PLXNA2: variants seen among roughly 807,000 people sequenced by gnomAD.
PLXNA2 encodes the protein plexin-A2.
A neutral mutation model predicts 193.5 loss-of-function variants in PLXNA2; 91 were observed. That is an observed-to-expected ratio of 0.47 (90% CI 0.40 to 0.56). PLXNA2 has a LOEUF of 0.56. Among genes scored for constraint, PLXNA2 ranks in the 20% least tolerant of loss-of-function variants. The pLI is 0.00. For synonymous variants in PLXNA2, 997 were observed against 1,027.3 expected (o/e 0.97, Z 0.56); for missense variants, 1,995 against 2,503.2 (o/e 0.80, Z 4.33).
intron 3 of PLXNA2, among the ~76,000 whole-genome samples, chr1:208,173,597 G>A (rs1464710041): frequency 6.6e-6 from 1 of 152,184 alleles, no homozygotes; most frequent in Non-Finnish European, 1.5e-5. Flanking sequence ...CCAGCAAGGG[G>A]ACAAAGGATC....
Position 208,045,918 on chromosome 1 carries a change from C to T in PLXNA2, c.3455G>A (p.Gly1152Glu). 1 of 1,614,256 alleles carries T rather than the reference C, an allele frequency of 6.2e-7. No individual in the cohort carries two copies. The highest frequency in any genetic ancestry group is 8.5e-7 in the Non-Finnish European group (1 of 1,180,040). The change falls in exon 18 of 32, where the codon GGA becomes GAA. Residue 1152 changes from glycine (G) to glutamate (E), a missense_variant. Coordinates refer to ENST00000367033, the MANE Select transcript of PLXNA2 (RefSeq NM_025179.4). ...CGATCCTGGCTTTTGATCCAAGACT[C>T]CAGTAGGGCTAAGCAGTTCAAAGGT... The part of the protein sequence containing the change: ...NPTFELLSPT[G>E]VLDQKPGSPI...
At chr1:208,070,916 A>G (rs1289732476) in intron 12 of PLXNA2, among the ~76,000 whole-genome samples, 1 of 152,182 alleles carries the variant, frequency 6.6e-6, no homozygotes, top group Non-Finnish European at 1.5e-5. Flanking sequence ...GCTGAGGTCC[A>G]AAGGAAAAGT....
chr1:208,093,863 C>T (rs555871660), intron 8 of PLXNA2, among the ~76,000 whole-genome samples: 2 of 152,294 alleles, frequency 1.3e-5, no homozygotes, highest in South Asian at 4.1e-4. Context: ...AGTCTTGCTC[C>T]TCCTCGCAGC....
At position 208,065,652 on chromosome 1, in the gene PLXNA2, G is replaced by A. The variant is rs113891637; in HGVS notation, c.2587-4815C>T. Among the ~76,000 whole-genome samples the A allele has an allele frequency of 2.4e-3, 365 of 152,270 alleles. 1 individual carries two copies. The highest frequency in any genetic ancestry group is 7.8e-3 in the African/African-American group (325 of 41,558). The stretch of plus-strand genomic sequence containing the variant: ...AAGGGCAGCACATGGATGAGGGAGC[G>A]CATCACAGACACTGGGGTGACCCGG... On this transcript the variant is annotated intron_variant, in intron 12 of 31. Coordinates refer to ENST00000367033, the MANE Select transcript of PLXNA2 (RefSeq NM_025179.4).
intron 1 of PLXNA2, among the ~76,000 whole-genome samples, chr1:208,233,350 G>A (rs964723754): frequency 3.3e-5 from 5 of 152,116 alleles, no homozygotes; most frequent in African/African-American, 9.7e-5. Flanking sequence ...CTTCTCCCAG[G>A]TGAAGCTTTC....
chr1:208,038,354 A>AAGACACCCC lies in PLXNA2; in HGVS notation c.4764+8_4764+16dup, dbSNP rs768803807. 7.2e-6 allele frequency: 11 copies of AAGACACCCC among 1,537,844 alleles called. No homozygotes were observed. Among genetic ancestry groups the AAGACACCCC allele is most frequent in the Non-Finnish European group, 9.9e-6 (11 of 1,110,498 alleles). Reference sequence around the variant, plus strand: ...CATTCTGGGAAGCTGAAGAGGGGAAAAGACACCCCCTCTCACCTGATAATG... The same window carrying AAGACACCCC: ...CATTCTGGGAAGCTGAAGAGGGGAAAAGACACCCCAGACACCCCCTCTCACCTGATAATG... On this transcript the variant is annotated intron_variant, in intron 26 of 31. Coordinates refer to ENST00000367033, the MANE Select transcript of PLXNA2 (RefSeq NM_025179.4). This position sits in a 1 kb window ranked among gnomAD's most constrained non-coding sequence, Gnocchi z 4.1.
In PLXNA2 at chr1:208,034,426, G is replaced by A. The variant is rs541067986; in HGVS notation, c.4864+67C>T. ...GCTGCCTGCTGTTAGAAGGGGTAGC[G>A]AGTGGGCCCTGCTAGGTCTCAGAAG... On this transcript the variant is annotated intron_variant, in intron 27 of 31. Coordinates refer to ENST00000367033, the MANE Select transcript of PLXNA2 (RefSeq NM_025179.4). 1.1e-4 allele frequency: 106 copies of A among 982,796 alleles called. No homozygotes were observed. The Admixed American group carries it at 1.7e-3, about 16-fold the overall frequency. 60.9% of individuals were successfully genotyped at this position (982,796 alleles called of 1,614,324 possible).
chr1:208,148,816 A>C (rs1229977925), intron 3 of PLXNA2, among the ~76,000 whole-genome samples: 1 of 152,172 alleles, frequency 6.6e-6, no homozygotes, highest in Admixed American at 6.5e-5. Context: ...GGAGGCCCTG[A>C]GGGGGTACTT....
chr1:208,216,601 G>T, intron 2 of PLXNA2, 134 bp downstream of exon 2: 1 of 1,007,100 alleles, frequency 9.9e-7, no homozygotes, highest in Non-Finnish European at 1.4e-6. Context: ...GTTACCACCT[G>T]ATAACCTGAG....
At chr1:208,106,020 T>C (rs533105034) in intron 4 of PLXNA2, among the ~76,000 whole-genome samples, 128 of 150,914 alleles carry the variant, frequency 8.5e-4, no homozygotes, top group Non-Finnish European at 1.2e-3. Flanking sequence ...TCTCCAAACA[T>C]GAAACCAATA....
At chr1:208,069,655 C>A (rs1665918257) in intron 12 of PLXNA2, among the ~76,000 whole-genome samples, 1 of 152,106 alleles carries the variant, frequency 6.6e-6, no homozygotes. Flanking sequence ...CTTGTCAGGG[C>A]AGGGTTGGGG....
At chr1:208,184,952 T>C (rs929832181) in intron 3 of PLXNA2, among the ~76,000 whole-genome samples, 3 of 152,200 alleles carry the variant, frequency 2.0e-5, no homozygotes, top group African/African-American at 7.2e-5. Flanking sequence ...TTAAGCTTTT[T>C]GCCCACAGGT....
chr1:208,208,182 A>G (rs1447957540), intron 3 of PLXNA2, among the ~76,000 whole-genome samples: 2 of 152,204 alleles, frequency 1.3e-5, no homozygotes, highest in Non-Finnish European at 2.9e-5. Context: ...TCATCCATCC[A>G]TCCATTCAGC....
chr1:208,158,190 G>A (rs1668995827), intron 3 of PLXNA2, among the ~76,000 whole-genome samples: 1 of 152,174 alleles, frequency 6.6e-6, no homozygotes, highest in Admixed American at 6.5e-5. Context: ...TGAGTGTGGG[G>A]AGAGAAATGG....
chr1:208,233,492 C>A (rs1671755371), intron 1 of PLXNA2, among the ~76,000 whole-genome samples: 1 of 152,236 alleles, frequency 6.6e-6, no homozygotes, highest in African/African-American at 2.4e-5. Context: ...GCCAAGGAAG[C>A]TGGGGGCCCG....
At chr1:208,112,294 T>C (rs1667506318) in intron 4 of PLXNA2, among the ~76,000 whole-genome samples, 1 of 152,204 alleles carries the variant, frequency 6.6e-6, no homozygotes, top group African/African-American at 2.4e-5. Context: ...GAAACCTGTT[T>C]TCAGGTAGAG....
chr1:208,037,813 C>A (rs1449803823), intron 26 of PLXNA2, among the ~76,000 whole-genome samples: 1 of 151,868 alleles, frequency 6.6e-6, no homozygotes, highest in Non-Finnish European at 1.5e-5. Flanking sequence ...CTATTCTATA[C>A]AACTGTACGG....
chr1:208,197,613 G>C (rs1670402243), intron 3 of PLXNA2, among the ~76,000 whole-genome samples: 1 of 152,132 alleles, frequency 6.6e-6, no homozygotes, highest in Admixed American at 6.5e-5. Context: ...GGCCCAACTG[G>C]GCCCATCAGT....
intron 3 of PLXNA2, among the ~76,000 whole-genome samples, chr1:208,186,716 T>TTTTGTTTTTTGTTTTTTTTTC (rs1553294072): frequency 9.7e-6 from 1 of 103,382 alleles, no homozygotes; most frequent in African/African-American, 4.0e-5. Context: ...TTATTTTATT[T>TTTTGTTTTTTGTTTTTTTTTC]TTTTTTTTTT....
Sources: allele counts gnomAD v4.1 joint callset (sites outside exome capture counted in the v4.1 genomes callset), GRCh38; gene constraint gnomAD v4.1.1; non-coding constraint Gnocchi (gnomAD v3.1); transcripts MANE v1.5; gene names NCBI Gene and HGNC (gene_info 2026-07-23, HGNC 2026-07-21).